The following WDR25 variants were observed in gnomAD, a reference collection of about 807,000 sequenced individuals.
The protein encoded by WDR25 is WD repeat-containing protein 25.
A neutral mutation model predicts 47.7 loss-of-function variants in WDR25; 35 were observed. That is an observed-to-expected ratio of 0.73 (90% CI 0.56 to 0.97). WDR25 has a LOEUF of 0.97. WDR25 is among the 50% of genes least tolerant of loss of function. The probability of loss-of-function intolerance (pLI) is 0.00; values close to 1 mark genes in which losing one functional copy is unlikely to be tolerated. For synonymous variants in WDR25, 248 were observed against 278.9 expected (o/e 0.89, Z 1.10); for missense variants, 634 against 704.7 (o/e 0.90, Z 1.14).
rs540215803 is a variant in WDR25, at chr14:100,419,318, C to T, written c.822+37572C>T. Among the ~76,000 whole-genome samples the T allele has an allele frequency of 1.7e-3, 265 of 152,062 alleles. 1 individual carries two copies. The highest frequency in any genetic ancestry group is 2.8e-3 in the Non-Finnish European group (192 of 68,008). Reference sequence around the variant, plus strand: ...CCTTCCGCCTACCTCTTTCTTCCTTCTCCTGCTGTCTACCCTGTGATGTGA... The same window carrying T: ...CCTTCCGCCTACCTCTTTCTTCCTTTTCCTGCTGTCTACCCTGTGATGTGA... On this transcript the variant is annotated intron_variant, in intron 2 of 6. Coordinates refer to ENST00000402312, the MANE Select transcript of WDR25 (RefSeq NM_001161476.3).
At chr14:100,435,799 C>G (rs1474445921) in intron 2 of WDR25, among the ~76,000 whole-genome samples, 3 of 152,138 alleles carry the variant, frequency 2.0e-5, no homozygotes, top group Admixed American at 1.3e-4. Flanking sequence ...GACAGTGAGG[C>G]CTGTCAGGGA....
intron 2 of WDR25, among the ~76,000 whole-genome samples, chr14:100,447,770 G>A (rs936004874): frequency 2.6e-5 from 4 of 152,206 alleles, no homozygotes; most frequent in Non-Finnish European, 4.4e-5. Context: ...CCTTCCCACC[G>A]TGCTGAATCA....
chr14:100,516,930 GTT>G (rs796822380), intron 4 of WDR25, among the ~76,000 whole-genome samples: 5 of 138,654 alleles, frequency 3.6e-5, no homozygotes. Flanking sequence ...ATTTGTCTCT[GTT>G]TTTTTTTTTT....
At chr14:100,517,042 C>T (rs1444806448) in intron 4 of WDR25, among the ~76,000 whole-genome samples, 1 of 150,318 alleles carries the variant, frequency 6.7e-6, no homozygotes, top group African/African-American at 2.5e-5. Flanking sequence ...GCAGTCCTCC[C>T]ACTTCAGCTT....
chr14:100,423,947 G>A (rs1262693481), intron 2 of WDR25, among the ~76,000 whole-genome samples: 1 of 152,212 alleles, frequency 6.6e-6, no homozygotes, highest in Non-Finnish European at 1.5e-5. Flanking sequence ...TTATGATGGG[G>A]CACGGGCCAC....
chr14:100,497,544 T>G (rs951209229), intron 4 of WDR25, among the ~76,000 whole-genome samples: 1 of 152,218 alleles, frequency 6.6e-6, no homozygotes, highest in East Asian at 1.9e-4. Flanking sequence ...GTCACTTCTC[T>G]GAGTTTCTGT....
intron 3 of WDR25, among the ~76,000 whole-genome samples, chr14:100,482,719 CA>C (rs1390204008): frequency 1.3e-5 from 2 of 152,202 alleles, no homozygotes; most frequent in Non-Finnish European, 2.9e-5. Flanking sequence ...CAAAGCAGGG[CA>C]ACCTTTTGTG....
At chr14:100,503,045 G>A (rs1369684196) in intron 4 of WDR25, among the ~76,000 whole-genome samples, 5 of 151,206 alleles carry the variant, frequency 3.3e-5, no homozygotes, top group Admixed American at 1.3e-4. Context: ...GTCTGTGTCC[G>A]TGTGTGTGTG....
At chr14:100,435,762 C>G (rs1898481006) in intron 2 of WDR25, among the ~76,000 whole-genome samples, 1 of 152,164 alleles carries the variant, frequency 6.6e-6, no homozygotes, top group African/African-American at 2.4e-5. Flanking sequence ...ATCTGCAAGT[C>G]CAGATGGGGA....
At chr14:100,459,894 G>GTGTATATATA (rs1172584092) in intron 2 of WDR25, among the ~76,000 whole-genome samples, 61 of 78,240 alleles carry the variant, frequency 7.8e-4, no homozygotes, top group Non-Finnish European at 1.4e-3. Context: ...GTGTGTGTGT[G>GTGTATATATA]TATATATATA....
intron 4 of WDR25, among the ~76,000 whole-genome samples, chr14:100,489,368 C>T (rs140162124): frequency 0.013 from 2,003 of 152,328 alleles, 24 homozygotes; most frequent in South Asian, 0.026. Context: ...CTCAGCTGTA[C>T]TGGGCCCTCT....
At chr14:100,527,692 G>A (rs115637747) in intron 5 of WDR25, among the ~76,000 whole-genome samples, 67 of 152,296 alleles carry the variant, frequency 4.4e-4, no homozygotes, top group Middle Eastern at 3.4e-3. Context: ...GGTGCCTTGC[G>A]CCTGAACTAT....
rs1238455267 is a variant in WDR25, at chr14:100,467,942, T to C, written c.823-79T>C. On this transcript the variant is annotated intron_variant, in intron 2 of 6. Transcript: ENST00000402312. ...ATCTAATTCCACCGAGACCTTTTTCTTTCTACAGTGGGGTCGAGCTGAGCC... is the reference window on the plus strand; with the variant it reads ...ATCTAATTCCACCGAGACCTTTTTCCTTCTACAGTGGGGTCGAGCTGAGCC... The C allele has an allele frequency of 1.9e-6, 3 of 1,564,356 alleles. No individual in the cohort carries two copies. In the African/African-American group the frequency reaches 4.1e-5, roughly 21 times the overall value.
At chr14:100,519,962 A>G (rs1378547830) in intron 4 of WDR25, among the ~76,000 whole-genome samples, 1 of 145,038 alleles carries the variant, frequency 6.9e-6, no homozygotes, top group Non-Finnish European at 1.5e-5. Flanking sequence ...GTGTGTATAT[A>G]GTATATATAT....
chr14:100,388,122 T>C (rs993400434), intron 2 of WDR25, among the ~76,000 whole-genome samples: 1 of 152,174 alleles, frequency 6.6e-6, no homozygotes, highest in Non-Finnish European at 1.5e-5. Flanking sequence ...ATTTGATGTG[T>C]GGAGTGAGGA....
chr14:100,484,172 C>G (rs575353076), intron 4 of WDR25, 48 bp downstream of exon 4: 6 of 1,569,700 alleles, frequency 3.8e-6, no homozygotes, highest in Non-Finnish European at 4.3e-6. Flanking sequence ...GAGCTTGTTT[C>G]GACAATTTGA....
Position 100,425,135 on chromosome 14 carries a change from C to T in WDR25, c.823-42886C>T, listed in dbSNP as rs1898131461. 6.6e-6 allele frequency among the ~76,000 whole-genome samples: 1 copy of T among 152,260 alleles called. No individual in the cohort carries two copies. Among genetic ancestry groups the T allele is most frequent in the South Asian group, 2.1e-4 (1 of 4,834 alleles). ...CCAGGATTTTTCTAAAAACTGTGCA[C>T]CTGGGTGTGTCCCTTGCTGGCCCCA... On this transcript the variant is annotated intron_variant, in intron 2 of 6. Transcript: ENST00000402312. The surrounding 1 kb of genome is among the most constrained non-coding windows in gnomAD (Gnocchi z 4.8).
chr14:100,485,626 C>T (rs1007712435), intron 4 of WDR25, among the ~76,000 whole-genome samples: 5 of 152,126 alleles, frequency 3.3e-5, no homozygotes, highest in African/African-American at 1.2e-4. Flanking sequence ...TGGGGAGCCA[C>T]GGGAGGTTTG....
At position 100,474,506 on chromosome 14, in the gene WDR25, G is replaced by A. The variant is rs115913276; in HGVS notation, c.970+6338G>A. On this transcript the variant is annotated intron_variant, in intron 3 of 6. Transcript: ENST00000402312. ...TTGGTTGCAGCTGCATCACAGTTTG[G>A]TGCCCTTGTTAGGTAAGGCTGCCAT... Among the ~76,000 whole-genome samples the A allele has an allele frequency of 4.6e-3, 696 of 152,294 alleles. 5 individuals carry two copies. Among genetic ancestry groups the A allele is most frequent in the African/African-American group, 0.016 (667 of 41,546 alleles).
Sources: gnomAD v4.1 joint callset for allele counts (sites outside exome capture counted in the v4.1 genomes callset) on GRCh38, gnomAD v4.1.1 for gene constraint, Gnocchi (gnomAD v3.1) non-coding constraint, MANE v1.5 for transcripts, NCBI Gene and HGNC (gene_info 2026-07-23, HGNC 2026-07-21) for gene names.